The following SPOCK1 variants were observed in gnomAD, a reference collection of about 807,000 sequenced individuals.
SPOCK1 encodes the protein testican-1.
SPOCK1 carries 23 observed loss-of-function variants against 55.3 expected under a neutral mutation model. That is an observed-to-expected ratio of 0.42 (90% confidence interval 0.30 to 0.59). The LOEUF (loss-of-function observed/expected upper bound fraction) is 0.59, where lower values mean the gene tolerates loss of function less well. Among genes scored for constraint, SPOCK1 ranks in the 20% least tolerant of loss-of-function variants. SPOCK1 has a pLI of 0.22. For synonymous variants in SPOCK1, 226 were observed against 221.0 expected (o/e 1.02, Z -0.20); for missense variants, 499 against 552.5 (o/e 0.90, Z 0.97).
chr5:137,404,722 T>C (rs1752059161), intron 2 of SPOCK1, among the ~76,000 whole-genome samples: 1 of 151,988 alleles, frequency 6.6e-6, no homozygotes, highest in Admixed American at 6.6e-5. Flanking sequence ...TGGCCTAAAA[T>C]AACATTTTAA....
chr5:137,409,367 C>T (rs1752164302), intron 2 of SPOCK1, among the ~76,000 whole-genome samples: 1 of 152,242 alleles, frequency 6.6e-6, no homozygotes, highest in East Asian at 1.9e-4. Flanking sequence ...AGGCAGCATG[C>T]AGGTGGAGAG....
chr5:137,111,837 C>T (rs909799047), intron 5 of SPOCK1, among the ~76,000 whole-genome samples: 1 of 152,150 alleles, frequency 6.6e-6, no homozygotes, highest in Non-Finnish European at 1.5e-5. Context: ...CATATTTTAT[C>T]CCAGCCCCTT....
intron 2 of SPOCK1, among the ~76,000 whole-genome samples, chr5:137,293,873 C>T (rs752879379): frequency 1.3e-5 from 2 of 152,194 alleles, no homozygotes; most frequent in South Asian, 2.1e-4. Flanking sequence ...AAAAATTAGC[C>T]GGGCGTGGTG....
At chr5:137,007,237 A>T (rs1260724812) in intron 6 of SPOCK1, among the ~76,000 whole-genome samples, 2 of 152,206 alleles carry the variant, frequency 1.3e-5, no homozygotes, top group Admixed American at 1.3e-4. Context: ...ATAGGCAAAG[A>T]CTTCATGACT....
chr5:137,441,931 C>A (rs1249795597), intron 2 of SPOCK1, among the ~76,000 whole-genome samples: 1 of 152,158 alleles, frequency 6.6e-6, no homozygotes, highest in Non-Finnish European at 1.5e-5. Context: ...ATGTCCCCTG[C>A]AAGAATAAAT....
intron 3 of SPOCK1, among the ~76,000 whole-genome samples, chr5:137,246,552 AC>A (rs1372675139): frequency 6.6e-6 from 1 of 152,194 alleles, no homozygotes; most frequent in Non-Finnish European, 1.5e-5. Flanking sequence ...CAGAGCTTCC[AC>A]TGCCATCTCC....
chr5:137,304,305 A>G (rs2127138737), intron 2 of SPOCK1, among the ~76,000 whole-genome samples: 1 of 152,242 alleles, frequency 6.6e-6, no homozygotes, highest in African/African-American at 2.4e-5. Context: ...GCATTCCCAC[A>G]GCACCTGACC....
chr5:137,014,628 C>T lies in SPOCK1; in HGVS notation c.590-22028G>A, dbSNP rs1045312181. ...AGAAGAGAGAGACCCTCTTGGGTCTCTCAGATCTATCCACAAGAGGGACTT... is the reference window on the plus strand; with the variant it reads ...AGAAGAGAGAGACCCTCTTGGGTCTTTCAGATCTATCCACAAGAGGGACTT... On this transcript the variant is annotated intron_variant, in intron 6 of 10. Transcript: ENST00000394945. Among the ~76,000 whole-genome samples the T allele has an allele frequency of 3.3e-5, 5 of 152,156 alleles. No homozygotes were observed. In the South Asian group the frequency reaches 1.0e-3, roughly 31 times the overall value.
intron 5 of SPOCK1, among the ~76,000 whole-genome samples, chr5:137,083,932 C>T (rs1752916317): frequency 6.6e-6 from 1 of 152,008 alleles, no homozygotes; most frequent in African/African-American, 2.4e-5. Context: ...GGCAGACAAA[C>T]CTGCTCTCAA....
chr5:137,037,109 T>C (rs1751899851), intron 6 of SPOCK1, among the ~76,000 whole-genome samples: 1 of 152,058 alleles, frequency 6.6e-6, no homozygotes, highest in African/African-American at 2.4e-5. Context: ...TGGCATATTC[T>C]GTATACCTGA....
chr5:137,058,806 G>A (rs59081999), intron 6 of SPOCK1, among the ~76,000 whole-genome samples: 17,616 of 152,088 alleles, frequency 0.12, 1,218 homozygotes, highest in East Asian at 0.24. Context: ...CCTAGGAGAT[G>A]GTCAGTGCCA....
chr5:137,470,512 C>A (rs1470150556), intron 2 of SPOCK1, among the ~76,000 whole-genome samples: 1 of 152,108 alleles, frequency 6.6e-6, no homozygotes, highest in African/African-American at 2.4e-5. Context: ...ACAGGGACAT[C>A]TGGAAAGGCT....
intron 6 of SPOCK1, among the ~76,000 whole-genome samples, chr5:137,021,771 G>A (rs182199464): frequency 6.6e-6 from 1 of 152,096 alleles, no homozygotes; most frequent in African/African-American, 2.4e-5. Context: ...GCTTTGCTTG[G>A]GAAGAAGATG....
At chr5:137,290,671 T>C (rs1757355489) in intron 2 of SPOCK1, among the ~76,000 whole-genome samples, 1 of 152,260 alleles carries the variant, frequency 6.6e-6, no homozygotes, top group Non-Finnish European at 1.5e-5. Context: ...CTTGATATGA[T>C]TGACATGGGC....
chr5:137,405,629 C>T (rs1752082068), intron 2 of SPOCK1, among the ~76,000 whole-genome samples: 1 of 152,160 alleles, frequency 6.6e-6, no homozygotes, highest in Admixed American at 6.5e-5. Context: ...AGCTCCAGAT[C>T]GCCCCCAGCT....
chr5:137,328,924 A>G (rs1758124123), intron 2 of SPOCK1, among the ~76,000 whole-genome samples: 1 of 152,196 alleles, frequency 6.6e-6, no homozygotes, highest in Admixed American at 6.5e-5. Context: ...CAGCTGGCAC[A>G]CTTTCACCAC....
chr5:137,304,755 G>T (rs1405580230), intron 2 of SPOCK1, among the ~76,000 whole-genome samples: 1 of 152,140 alleles, frequency 6.6e-6, no homozygotes, highest in Non-Finnish European at 1.5e-5. Flanking sequence ...CTACAGAGAG[G>T]AGAGTGGATG....
chr5:137,105,911 C>T (rs1247452385), intron 5 of SPOCK1, among the ~76,000 whole-genome samples: 1 of 152,118 alleles, frequency 6.6e-6, no homozygotes, highest in Non-Finnish European at 1.5e-5. Context: ...TGCTTGGTCG[C>T]CGATTACCAG....
chr5:137,239,373 A>T (rs2127099046), intron 3 of SPOCK1, among the ~76,000 whole-genome samples: 1 of 152,372 alleles, frequency 6.6e-6, no homozygotes, highest in East Asian at 1.9e-4. Context: ...ATCATTTATA[A>T]CAAACCAGTA....
Sources: allele counts gnomAD v4.1 joint callset (sites outside exome capture counted in the v4.1 genomes callset), GRCh38; gene constraint gnomAD v4.1.1; transcripts MANE v1.5; gene names NCBI Gene and HGNC (gene_info 2026-07-23, HGNC 2026-07-21).